Variants in COL4A4 observed in about 807,000 individuals in gnomAD.
COL4A4 encodes collagen alpha-4(IV) chain.
A neutral mutation model predicts 192.9 loss-of-function variants in COL4A4; 105 were observed. That is an observed-to-expected ratio of 0.54 (90% CI 0.46 to 0.64). COL4A4 has a LOEUF of 0.64. Among genes scored for constraint, COL4A4 ranks in the 30% least tolerant of loss-of-function variants. The pLI is 0.00. For missense variants in COL4A4, 1,967 were observed against 2,169.3 expected (o/e 0.91, Z 1.85); for synonymous variants, 762 against 769.9 (o/e 0.99, Z 0.17).
In COL4A4 at chr2:227,032,265, C is replaced by A; in HGVS notation, c.3589G>T (p.Val1197Leu). 6.2e-7 allele frequency: 1 copy of A among 1,613,768 alleles called. No homozygotes were observed. The highest frequency in any genetic ancestry group is 8.5e-7 in the Non-Finnish European group (1 of 1,179,734). Reference protein sequence around the residue: ...GTKGASGLHDVGPPGPVGIPG... With the variant: ...GTKGASGLHDLGPPGPVGIPG... Reference sequence around the variant, plus strand: ...ATTCCCACTGGACCAGGTGGCCCCACATCATGCAAACCTTAATGGGGAAAA... The same window carrying A: ...ATTCCCACTGGACCAGGTGGCCCCAAATCATGCAAACCTTAATGGGGAAAA... The change falls in exon 39 of 48, where the codon GTG becomes TTG. Residue 1197 changes from valine (V) to leucine (L), a missense_variant. By Grantham distance (32) the Val-to-Leu change is conservative (BLOSUM62 1). Transcript: ENST00000396625.
intron 35 of COL4A4, among the ~76,000 whole-genome samples, chr2:227,044,895 G>A (rs1162041503): frequency 6.6e-6 from 1 of 152,170 alleles, no homozygotes; most frequent in East Asian, 1.9e-4. Flanking sequence ...CTAAGCTGAG[G>A]CCATGGCATA....
chr2:227,063,910 T>C (rs976044199), intron 25 of COL4A4, among the ~76,000 whole-genome samples: 1 of 152,080 alleles, frequency 6.6e-6, no homozygotes, highest in African/African-American at 2.4e-5. Flanking sequence ...GCAATTTTGG[T>C]ATGTCAAATA....
chr2:226,978,664 T>C, the COL4A4 span, among the ~76,000 whole-genome samples: 1 of 152,220 alleles, frequency 6.6e-6, no homozygotes, highest in Admixed American at 6.5e-5. Flanking sequence ...CACAACGCAG[T>C]GAGAATGCAC....
chr2:227,132,382 G>A (rs2062534728), intron 4 of COL4A4, among the ~76,000 whole-genome samples: 1 of 152,160 alleles, frequency 6.6e-6, no homozygotes. Context: ...AGGCCTCCAT[G>A]GCCTGGTTGG....
intron 23 of COL4A4, among the ~76,000 whole-genome samples, chr2:227,080,755 C>G (rs1340119703): frequency 6.6e-6 from 1 of 152,172 alleles, no homozygotes; most frequent in South Asian, 2.1e-4. Flanking sequence ...TTGGGAAAAG[C>G]TCCTTTTCCC....
At chr2:226,978,896 A>T in the COL4A4 span, among the ~76,000 whole-genome samples, 1 of 152,166 alleles carries the variant, frequency 6.6e-6, no homozygotes, top group Non-Finnish European at 1.5e-5. Context: ...TGTGTGGAGA[A>T]TGGCTGGTAG....
At chr2:227,077,782 T>C (rs575086092) in intron 25 of COL4A4, 112 bp downstream of exon 25, 62 of 983,138 alleles carry the variant, frequency 6.3e-5, no homozygotes, top group Middle Eastern at 3.1e-4. Context: ...ACTACTCGGG[T>C]GACAGGTACA....
At chr2:227,066,917 C>T (rs2150354460) in intron 25 of COL4A4, among the ~76,000 whole-genome samples, 1 of 150,584 alleles carries the variant, frequency 6.6e-6, no homozygotes, top group East Asian at 1.9e-4. Flanking sequence ...AAGACACAGA[C>T]TGGCAAATTG....
chr2:227,141,480 A>G (rs2063206828), intron 3 of COL4A4, among the ~76,000 whole-genome samples: 1 of 152,224 alleles, frequency 6.6e-6, no homozygotes, highest in African/African-American at 2.4e-5. Flanking sequence ...GAACAGGTAT[A>G]TGTGTATGGG....
the COL4A4 span, among the ~76,000 whole-genome samples, chr2:226,979,368 C>A: frequency 6.6e-6 from 1 of 152,162 alleles, no homozygotes; most frequent in Non-Finnish European, 1.5e-5. Flanking sequence ...CTCAGCAAAG[C>A]AAGATGGTTC....
intron 25 of COL4A4, among the ~76,000 whole-genome samples, chr2:227,071,371 C>G (rs543023911): frequency 7.2e-5 from 11 of 152,112 alleles, no homozygotes; most frequent in African/African-American, 2.2e-4. Context: ...TTTATATGCA[C>G]CAAACACTGG....
intron 25 of COL4A4, among the ~76,000 whole-genome samples, chr2:227,074,248 T>G (rs775576983): frequency 2.2e-4 from 34 of 151,662 alleles, no homozygotes; most frequent in Non-Finnish European, 3.8e-4. Context: ...AGGACATGAA[T>G]AGACATTTCT....
intron 1 of COL4A4, among the ~76,000 whole-genome samples, chr2:227,158,733 C>T (rs771252804): frequency 4.2e-5 from 6 of 143,086 alleles, no homozygotes; most frequent in Non-Finnish European, 9.3e-5. Flanking sequence ...TATTCAACAT[C>T]GTTAGTTATT....
At chr2:227,103,448 C>T (rs2060638696) in intron 13 of COL4A4, among the ~76,000 whole-genome samples, 1 of 152,224 alleles carries the variant, frequency 6.6e-6, no homozygotes. Flanking sequence ...TTTGGGAATG[C>T]AGCCATTGAA....
the COL4A4 span, among the ~76,000 whole-genome samples, chr2:226,983,981 C>T: frequency 2.3e-4 from 35 of 152,276 alleles, no homozygotes; most frequent in Non-Finnish European, 4.4e-4. Context: ...AGGAACTGTC[C>T]CTGCTCGTAT....
At chr2:226,992,395 ATT>A in the COL4A4 span, among the ~76,000 whole-genome samples, 1 of 152,240 alleles carries the variant, frequency 6.6e-6, no homozygotes, top group Admixed American at 6.5e-5. Context: ...AAACAAAGCA[ATT>A]CGGCCATTCT....
rs182575288 is a variant in COL4A4 at position 227,056,562 on chromosome 2, C to T, written c.2546-447G>A. The stretch of plus-strand genomic sequence containing the variant: ...CAATCTGGTTTTAATTTTTCAAGTG[C>T]GTATATTACTGCATTTGGATAAAAG... On this transcript the variant is annotated intron_variant, in intron 29 of 47. Coordinates refer to ENST00000396625, the MANE Select transcript of COL4A4 (RefSeq NM_000092.5). Among the ~76,000 whole-genome samples, 657 of 152,006 alleles carry T rather than the reference C, an allele frequency of 4.3e-3. 4 individuals carry two copies. The highest frequency in any genetic ancestry group is 0.015 in the African/African-American group (614 of 41,452).
intron 4 of COL4A4, among the ~76,000 whole-genome samples, chr2:227,132,986 T>C (rs1047011188): frequency 2.2e-4 from 34 of 152,096 alleles, no homozygotes; most frequent in Middle Eastern, 3.4e-3. Context: ...CTAAGTGCTT[T>C]CTATTTTCCT....
At chr2:227,094,622 C>T (rs2060112445) in intron 19 of COL4A4, among the ~76,000 whole-genome samples, 1 of 152,136 alleles carries the variant, frequency 6.6e-6, no homozygotes, top group South Asian at 2.1e-4. Flanking sequence ...CAGAGATCTA[C>T]TGTACAGCGT....
Sources: gnomAD v4.1 joint callset for allele counts (sites outside exome capture counted in the v4.1 genomes callset) on GRCh38, gnomAD v4.1.1 for gene constraint, MANE v1.5 for transcripts, NCBI Gene and HGNC (gene_info 2026-07-23, HGNC 2026-07-21) for gene names.